SORCS2: variants seen among roughly 807,000 people sequenced by gnomAD.
SORCS2 encodes the protein VPS10 domain-containing receptor SorCS2.
In SORCS2, 100 loss-of-function variants were observed where a neutral mutation model predicts 141.6. That is an observed-to-expected ratio of 0.71 (90% CI 0.60 to 0.83). The LOEUF is 0.83. SORCS2 is among the 40% of genes least tolerant of loss of function. The probability of loss-of-function intolerance (pLI) is 0.00; values close to 1 mark genes in which losing one functional copy is unlikely to be tolerated. For synonymous variants in SORCS2, 789 were observed against 676.9 expected, an observed-to-expected ratio of 1.17 and a Z score of -2.57; for missense variants, 1,646 against 1,560.2, an observed-to-expected ratio of 1.05 and a Z score of -0.93.
rs1725932134 is a variant in SORCS2 at position 7,713,021 on chromosome 4, TTTCCAGACCC to T, written c.1989+172_1989+181del. Among the ~76,000 whole-genome samples, 3 of 152,130 alleles carry T rather than the reference TTTCCAGACCC, an allele frequency of 2.0e-5. No homozygotes were observed. In the South Asian group the frequency reaches 6.3e-4, roughly 32 times the overall value. ...GAGATGTCCAGGCCTCCTGTGGGCT[TTTCCAGACCC>T]TTCTCGGTCATGGAGCTACCTGGGC... On this transcript the variant is annotated intron_variant, in intron 15 of 26. Transcript: ENST00000507866.
rs1186337762 is a variant in SORCS2 at position 7,728,459 on chromosome 4, C to T, written c.2979C>T (p.Ser993=). 1 of 1,609,694 alleles carries T rather than the reference C, an allele frequency of 6.2e-7. No individual in the cohort carries two copies. Among genetic ancestry groups the T allele is most frequent in the Admixed American group, 1.7e-5 (1 of 59,668 alleles). ...DVGLVVTRLL[S]KETSVPQELL... Reference sequence around the variant, plus strand: ...GCCTGGTGGTCACCCGGCTGCTCTCCAAGGTGTCCACCCAGAGCCTAGAGC... The same window carrying T: ...GCCTGGTGGTCACCCGGCTGCTCTCTAAGGTGTCCACCCAGAGCCTAGAGC... The change falls in exon 22 of 27, where the codon TCC becomes TCT. Residue 993 remains serine, a synonymous_variant. Transcript: ENST00000507866.
At chr4:7,306,094 C>T (rs1320488663) in intron 1 of SORCS2, among the ~76,000 whole-genome samples, 3 of 152,188 alleles carry the variant, frequency 2.0e-5, no homozygotes, top group Non-Finnish European at 4.4e-5. Flanking sequence ...GTGGCAGGGT[C>T]CCGGTGCTCT....
intron 18 of SORCS2, among the ~76,000 whole-genome samples, chr4:7,723,202 A>AGAGAAAATT (rs2148874112): frequency 6.6e-6 from 1 of 152,262 alleles, no homozygotes; most frequent in African/African-American, 2.4e-5. Flanking sequence ...GGTCTGAGAA[A>AGAGAAAATT]GAGAAAATTA....
chr4:7,475,017 C>A (rs1480879639), intron 2 of SORCS2, among the ~76,000 whole-genome samples: 5 of 152,144 alleles, frequency 3.3e-5, no homozygotes, highest in African/African-American at 7.2e-5. Context: ...TATAAGGACA[C>A]CCAGCCTTGG....
At chr4:7,540,569 G>A (rs1415841688) in intron 3 of SORCS2, among the ~76,000 whole-genome samples, 1 of 152,190 alleles carries the variant, frequency 6.6e-6, no homozygotes, top group Admixed American at 6.5e-5. Context: ...GAGCCAGGCT[G>A]CATGGTCCCA....
chr4:7,681,425 A>T (rs1198246623), intron 9 of SORCS2, among the ~76,000 whole-genome samples: 4 of 152,220 alleles, frequency 2.6e-5, no homozygotes, highest in Non-Finnish European at 5.9e-5. Flanking sequence ...CAGCGTTGCT[A>T]GCTTTGAAGA....
chr4:7,498,519 A>G (rs1461753533), intron 2 of SORCS2, among the ~76,000 whole-genome samples: 1 of 151,964 alleles, frequency 6.6e-6, no homozygotes, highest in Non-Finnish European at 1.5e-5. Flanking sequence ...CAAAATCCCA[A>G]CCCCTCCCTA....
At chr4:7,700,210 G>A (rs1384243732) in intron 12 of SORCS2, among the ~76,000 whole-genome samples, 1 of 152,178 alleles carries the variant, frequency 6.6e-6, no homozygotes, top group Non-Finnish European at 1.5e-5. Context: ...TGGGCTGCCC[G>A]CTGACTCAAA....
chr4:7,638,341 G>A lies in SORCS2; in HGVS notation c.662G>A (p.Ser221Asn). Residue 221 changes from serine (S) to asparagine (N), a missense_variant, in exon 4 of 27, where the codon AGC (serine) becomes AAC (asparagine). Transcript: ENST00000507866. Reference sequence around the variant, plus strand: ...TTTGTGTTTCAGGTCATCCTTGTCAGCTCCTCACTCAGTGACCGGGACCAG... The same window carrying A: ...TTTGTGTTTCAGGTCATCCTTGTCAACTCCTCACTCAGTGACCGGGACCAG... ...PTNKRKVILV[S>N]SSLSDRDQSL... 1 of 1,510,628 alleles carries A rather than the reference G, an allele frequency of 6.6e-7. No individual in the cohort carries two copies. Among genetic ancestry groups the A allele is most frequent in the Non-Finnish European group, 8.8e-7 (1 of 1,135,218 alleles). 93.6% of individuals were successfully genotyped at this position (1,510,628 alleles called of 1,614,324 possible). A position where few individuals can be genotyped will look rare whatever the true frequency, so the allele number is the denominator to read the frequency against.
chr4:7,698,266 C>A (rs1577087939), intron 12 of SORCS2, among the ~76,000 whole-genome samples: 1 of 152,336 alleles, frequency 6.6e-6, no homozygotes, highest in South Asian at 2.1e-4. Context: ...ACAAGACGTT[C>A]TGTTTGAGGT....
At chr4:7,296,763 G>T (rs1164120555) in intron 1 of SORCS2, among the ~76,000 whole-genome samples, 1 of 152,198 alleles carries the variant, frequency 6.6e-6, no homozygotes, top group African/African-American at 2.4e-5. Context: ...CAGGTCAGCA[G>T]AGAAGACATC....
chr4:7,350,631 G>A (rs1006451531), intron 1 of SORCS2, among the ~76,000 whole-genome samples: 7 of 152,256 alleles, frequency 4.6e-5, no homozygotes, highest in African/African-American at 1.7e-4. Context: ...GGCAGGTCCA[G>A]GCAGTCAAGG....
intron 3 of SORCS2, among the ~76,000 whole-genome samples, chr4:7,586,248 G>A (rs966185675): frequency 6.6e-6 from 1 of 152,164 alleles, no homozygotes; most frequent in Admixed American, 6.5e-5. Context: ...AGCTTTGCAA[G>A]TCTGTCTGTC....
chr4:7,608,903 A>G (rs1341599245), intron 3 of SORCS2, among the ~76,000 whole-genome samples: 1 of 152,088 alleles, frequency 6.6e-6, no homozygotes, highest in Non-Finnish European at 1.5e-5. Flanking sequence ...AGCCGCTCAT[A>G]TGTGAACACA....
At chr4:7,733,584 G>C (rs2285774) in intron 24 of SORCS2, among the ~76,000 whole-genome samples, 163 bp downstream of exon 24, 110,658 of 152,018 alleles carry the variant, frequency 0.73, 40,553 homozygotes, top group African/African-American at 0.79. Flanking sequence ...ACGCAGGACC[G>C]CGCTCTCCCT....
At chr4:7,582,170 A>T (rs1716202451) in intron 3 of SORCS2, among the ~76,000 whole-genome samples, 1 of 152,242 alleles carries the variant, frequency 6.6e-6, no homozygotes, top group Non-Finnish European at 1.5e-5. Flanking sequence ...GAACTTTGAA[A>T]TGAAGGCGTT....
intron 1 of SORCS2, among the ~76,000 whole-genome samples, chr4:7,212,815 T>G (rs1284391972): frequency 6.6e-6 from 1 of 152,230 alleles, no homozygotes. Context: ...TCAAGAGCTG[T>G]TACTGGAAGA....
chr4:7,658,049 G>A (rs1412367433), intron 5 of SORCS2, among the ~76,000 whole-genome samples: 1 of 152,080 alleles, frequency 6.6e-6, no homozygotes, highest in Non-Finnish European at 1.5e-5. Flanking sequence ...GAGTGAATGA[G>A]TGAGTCTGAT....
At chr4:7,667,623 TCTC>T (rs1054731385) in intron 8 of SORCS2, among the ~76,000 whole-genome samples, 2 of 152,144 alleles carry the variant, frequency 1.3e-5, no homozygotes, top group African/African-American at 4.8e-5. Context: ...CATCTCCTGC[TCTC>T]CTCTGATATT....
Sources: gnomAD v4.1 joint callset for allele counts (sites outside exome capture counted in the v4.1 genomes callset) on GRCh38, gnomAD v4.1.1 for gene constraint, MANE v1.5 for transcripts, NCBI Gene and HGNC (gene_info 2026-07-23, HGNC 2026-07-21) for gene names.